The following KCNN2 variants were observed in gnomAD, a reference collection of about 807,000 sequenced individuals.
The protein encoded by KCNN2 is potassium calcium-activated channel subfamily N member 2.
In KCNN2, 24 loss-of-function variants were observed where a neutral mutation model predicts 55.5. That is an observed-to-expected ratio of 0.43 (90% CI 0.31 to 0.61). The LOEUF is 0.61. Ranked by LOEUF, KCNN2 falls within the 20% of genes least tolerant of loss-of-function variation. The pLI, the probability that KCNN2 is intolerant of heterozygous loss-of-function variation, is 0.08. For missense variants in KCNN2, 754 were observed against 853.6 expected, an observed-to-expected ratio of 0.88 and a Z score of 1.45; for synonymous variants, 431 against 336.1, an observed-to-expected ratio of 1.28 and a Z score of -3.09.
At chr5:114,471,439 A>C (rs1761740304) in intron 4 of KCNN2, among the ~76,000 whole-genome samples, 1 of 152,228 alleles carries the variant, frequency 6.6e-6, no homozygotes, top group African/African-American at 2.4e-5. Context: ...AGGTGCAGCC[A>C]TCCATTTTTT....
intron 1 of KCNN2, among the ~76,000 whole-genome samples, chr5:114,168,095 A>G (rs995662316): frequency 4.5e-4 from 68 of 151,098 alleles, no homozygotes; most frequent in African/African-American, 1.7e-3. Context: ...TGTTGTTTCT[A>G]GTTTTTTTAA....
chr5:114,146,946 T>C (rs2112512316), intron 1 of KCNN2, among the ~76,000 whole-genome samples: 1 of 152,220 alleles, frequency 6.6e-6, no homozygotes, highest in East Asian at 1.9e-4. Context: ...GGAAAACAGA[T>C]TAGTGTCAGC....
intron 5 of KCNN2, among the ~76,000 whole-genome samples, chr5:114,475,548 T>C (rs1332853148): frequency 6.6e-6 from 1 of 152,190 alleles, no homozygotes; most frequent in Non-Finnish European, 1.5e-5. Context: ...ATAAAAAATA[T>C]ACTGTATACT....
chr5:114,466,879 C>A (rs1398281471), intron 4 of KCNN2, among the ~76,000 whole-genome samples: 4 of 152,106 alleles, frequency 2.6e-5, no homozygotes, highest in Non-Finnish European at 4.4e-5. Flanking sequence ...TTTCTTCCAT[C>A]CCACTAGTAG....
chr5:114,395,182 G>C (rs1226907887), intron 2 of KCNN2, among the ~76,000 whole-genome samples: 2 of 152,184 alleles, frequency 1.3e-5, no homozygotes, highest in African/African-American at 4.8e-5. Flanking sequence ...GGTGTACACA[G>C]GTTACCTCTT....
chr5:114,171,081 C>G (rs1256312887), intron 1 of KCNN2, among the ~76,000 whole-genome samples: 2 of 151,946 alleles, frequency 1.3e-5, no homozygotes, highest in Admixed American at 1.3e-4. Context: ...GACTCTCTAT[C>G]TTTCCATTCT....
chr5:114,434,494 C>G (rs1759933315), intron 3 of KCNN2, among the ~76,000 whole-genome samples: 1 of 152,176 alleles, frequency 6.6e-6, no homozygotes, highest in Admixed American at 6.5e-5. Context: ...CTTGCTCTGT[C>G]TTCACACTTT....
At chr5:114,332,423 G>T (rs1561574412) in intron 2 of KCNN2, among the ~76,000 whole-genome samples, 1 of 152,168 alleles carries the variant, frequency 6.6e-6, no homozygotes, top group Non-Finnish European at 1.5e-5. Context: ...AAAAGATTCT[G>T]GGAAAATTTA....
chr5:114,270,152 GTTGGTTA>G (rs1308204424), intron 2 of KCNN2, among the ~76,000 whole-genome samples: 2 of 152,242 alleles, frequency 1.3e-5, no homozygotes, highest in African/African-American at 4.8e-5. Context: ...TATAGTAATT[GTTGGTTA>G]TTTGAAGGGC....
chr5:114,376,534 C>T (rs1289485643), intron 2 of KCNN2, among the ~76,000 whole-genome samples: 2 of 152,152 alleles, frequency 1.3e-5, no homozygotes, highest in East Asian at 3.9e-4. Flanking sequence ...GATAGGGAGG[C>T]TGATGGTGAG....
chr5:114,186,781 A>G (rs1753342753), intron 1 of KCNN2, among the ~76,000 whole-genome samples: 1 of 152,198 alleles, frequency 6.6e-6, no homozygotes, highest in African/African-American at 2.4e-5. Context: ...CTCCTTGATC[A>G]TGACACCAGG....
chr5:114,329,178 T>G (rs531709219), intron 2 of KCNN2, among the ~76,000 whole-genome samples: 1 of 152,210 alleles, frequency 6.6e-6, no homozygotes, highest in Non-Finnish European at 1.5e-5. Flanking sequence ...ATTACACTCA[T>G]CAGCTGATGA....
At chr5:114,104,944 C>T (rs1001225693) in intron 1 of KCNN2, among the ~76,000 whole-genome samples, 1 of 152,000 alleles carries the variant, frequency 6.6e-6, no homozygotes, top group Non-Finnish European at 1.5e-5. Context: ...CAAAGAGGCA[C>T]AATGAAAAGC....
intron 1 of KCNN2, among the ~76,000 whole-genome samples, chr5:114,087,117 GATTT>G (rs1234629574): frequency 6.6e-6 from 1 of 151,816 alleles, no homozygotes; most frequent in Non-Finnish European, 1.5e-5. Context: ...TTTTTAAATG[GATTT>G]ATTTGTTTGT....
intron 2 of KCNN2, among the ~76,000 whole-genome samples, chr5:114,235,341 A>G (rs1273159576): frequency 6.6e-6 from 1 of 152,234 alleles, no homozygotes; most frequent in East Asian, 1.9e-4. Context: ...TTAAGTTTCC[A>G]TGGTTTAAAA....
chr5:114,325,781 G>T (rs550313399), intron 2 of KCNN2, among the ~76,000 whole-genome samples: 121 of 152,312 alleles, frequency 7.9e-4, no homozygotes, highest in South Asian at 3.1e-3. Flanking sequence ...CTGGTCTGGG[G>T]TGCACTGGAA....
chr5:114,142,271 C>T (rs543288597), intron 1 of KCNN2, among the ~76,000 whole-genome samples: 7 of 152,186 alleles, frequency 4.6e-5, no homozygotes, highest in African/African-American at 7.2e-5. Flanking sequence ...TTAGGTCTAA[C>T]GTTTAAGTCT....
At chr5:114,091,325 A>G (rs1751139904) in intron 1 of KCNN2, among the ~76,000 whole-genome samples, 1 of 152,134 alleles carries the variant, frequency 6.6e-6, no homozygotes, top group South Asian at 2.1e-4. Flanking sequence ...TGAAATCAAT[A>G]TGGGGAACAT....
At chr5:114,288,685 T>G (rs1297651394) in intron 2 of KCNN2, among the ~76,000 whole-genome samples, 1 of 152,216 alleles carries the variant, frequency 6.6e-6, no homozygotes, top group Non-Finnish European at 1.5e-5. Flanking sequence ...AAATGTCTAC[T>G]CAAGCCCTTA....
Sources: gnomAD v4.1 joint callset for allele counts (sites outside exome capture counted in the v4.1 genomes callset) on GRCh38, gnomAD v4.1.1 for gene constraint, MANE v1.5 for transcripts, NCBI Gene and HGNC (gene_info 2026-07-23, HGNC 2026-07-21) for gene names.